The following SV2C variants were observed in gnomAD, a reference collection of about 807,000 sequenced individuals.
The protein encoded by SV2C is solute carrier family 22 member B3.
SV2C carries 49 observed loss-of-function variants against 79.7 expected under a neutral mutation model. The observed-to-expected ratio is 0.61, with a 90% CI of 0.49 to 0.78. The LOEUF (loss-of-function observed/expected upper bound fraction) is 0.78, where lower values mean the gene tolerates loss of function less well. Ranked by LOEUF, SV2C falls within the 30% of genes least tolerant of loss-of-function variation. The pLI, the probability that SV2C is intolerant of heterozygous loss-of-function variation, is 0.00. For synonymous variants in SV2C, 334 were observed against 333.2 expected, an observed-to-expected ratio of 1.00 and a Z score of -0.03; for missense variants, 833 against 912.9, an observed-to-expected ratio of 0.91 and a Z score of 1.13.
the SV2C span, among the ~76,000 whole-genome samples, chr5:76,055,587 C>A: frequency 6.6e-6 from 1 of 152,140 alleles, no homozygotes; most frequent in Non-Finnish European, 1.5e-5. Context: ...TTACTTTGGG[C>A]AGTATGACAA....
At chr5:76,317,023 A>C (rs1297557689) in intron 12 of SV2C, among the ~76,000 whole-genome samples, 2 of 150,758 alleles carry the variant, frequency 1.3e-5, no homozygotes, top group Non-Finnish European at 3.0e-5. Flanking sequence ...TATTTAATGA[A>C]TGATTATATG....
downstream of SV2C, among the ~76,000 whole-genome samples, chr5:76,335,204 C>T (rs1002274537): frequency 4.5e-4 from 68 of 152,254 alleles, 1 homozygote; most frequent in Middle Eastern, 6.8e-3. Flanking sequence ...CACCCCTCTG[C>T]AGGCTGTTCC....
At chr5:76,146,447 T>C (rs1006539740) in intron 2 of SV2C, among the ~76,000 whole-genome samples, 1 of 152,208 alleles carries the variant, frequency 6.6e-6, no homozygotes, top group African/African-American at 2.4e-5. Context: ...GGAAACTTCC[T>C]GACATTGCCA....
chr5:76,060,844 A>G, the SV2C span, among the ~76,000 whole-genome samples: 39 of 152,152 alleles, frequency 2.6e-4, no homozygotes, highest in African/African-American at 8.7e-4. Flanking sequence ...CACGAAGCTT[A>G]TTAATATCTA....
Position 76,173,920 on chromosome 5 carries a change from G to A in SV2C, c.581-20999G>A, listed in dbSNP as rs780600012. On this transcript the variant is annotated intron_variant, in intron 2 of 12. Transcript: ENST00000502798. The stretch of plus-strand genomic sequence containing the variant: ...TCAGGTCTTGTAAATCGTTAAATGT[G>A]GACTGTGCTGTGATGGAATAAACTA... 60 of 1,587,202 alleles carry A rather than the reference G, an allele frequency of 3.8e-5. 1 individual carries two copies. Among genetic ancestry groups the A allele is most frequent in the Admixed American group, 2.3e-4 (14 of 59,964 alleles).
chr5:76,139,872 T>C (rs576037910), intron 2 of SV2C, among the ~76,000 whole-genome samples: 1 of 64,300 alleles, frequency 1.6e-5, no homozygotes. Context: ...TTTTTTTTTT[T>C]TTTTTTTTGA....
chr5:76,205,143 T>TTGTG (rs1176863698), intron 3 of SV2C, among the ~76,000 whole-genome samples: 4 of 148,914 alleles, frequency 2.7e-5, no homozygotes, highest in African/African-American at 9.8e-5. Context: ...TATTGAGGTG[T>TTGTG]TGTGCGTGTG....
chr5:76,000,758 G>A, the SV2C span, among the ~76,000 whole-genome samples: 1 of 152,294 alleles, frequency 6.6e-6, no homozygotes, highest in Admixed American at 6.5e-5. Context: ...TCACACTGCT[G>A]TGTCACTGGA....
intron 12 of SV2C, among the ~76,000 whole-genome samples, chr5:76,345,622 C>T (rs1749523669): frequency 6.6e-6 from 1 of 152,188 alleles, no homozygotes; most frequent in Non-Finnish European, 1.5e-5. Flanking sequence ...AGGCTGTCAG[C>T]GTGATTTCCA....
At chr5:76,256,475 G>T (rs1004938402) in intron 4 of SV2C, among the ~76,000 whole-genome samples, 1 of 152,090 alleles carries the variant, frequency 6.6e-6, no homozygotes, top group East Asian at 1.9e-4. Flanking sequence ...TGTTGGCTAG[G>T]GTTAATCACA....
chr5:75,934,191 C>T, the SV2C span, among the ~76,000 whole-genome samples: 1 of 152,110 alleles, frequency 6.6e-6, no homozygotes, highest in Non-Finnish European at 1.5e-5. Context: ...CAATGAGCAC[C>T]TTAATTCTTC....
intron 12 of SV2C, among the ~76,000 whole-genome samples, chr5:76,304,978 C>T (rs1367970709): frequency 6.6e-6 from 1 of 152,180 alleles, no homozygotes; most frequent in African/African-American, 2.4e-5. Flanking sequence ...GTGGCATCTG[C>T]TTCTGGGGAG....
chr5:76,131,554 GT>G (rs1338765329), intron 1 of SV2C, 95 bp from the exon 2 acceptor site: 1 of 385,154 alleles, frequency 2.6e-6, no homozygotes, highest in Admixed American at 4.2e-5. Flanking sequence ...CTGTGTTGTA[GT>G]TTGTGGGACA....
chr5:75,873,450 G>T, the SV2C span, among the ~76,000 whole-genome samples: 1 of 152,016 alleles, frequency 6.6e-6, no homozygotes, highest in Non-Finnish European at 1.5e-5. Context: ...AGATTTACAG[G>T]TTCTCATATC....
At chr5:76,273,830 C>T (rs1318339147) in intron 4 of SV2C, among the ~76,000 whole-genome samples, 3 of 152,180 alleles carry the variant, frequency 2.0e-5, no homozygotes, top group Admixed American at 6.5e-5. Flanking sequence ...GCAGGCAGAT[C>T]GCTGCCAATT....
chr5:76,284,381 G>T (rs984944592), intron 4 of SV2C, among the ~76,000 whole-genome samples: 1 of 152,066 alleles, frequency 6.6e-6, no homozygotes, highest in Non-Finnish European at 1.5e-5. Flanking sequence ...TGCAGCAACC[G>T]CCAATTCCTA....
At chr5:76,048,999 G>GAA in the SV2C span, among the ~76,000 whole-genome samples, 4 of 86,308 alleles carry the variant, frequency 4.6e-5, no homozygotes, top group African/African-American at 7.9e-5. Flanking sequence ...AAGAAAGAAA[G>GAA]AAAGAAAGAA....
chr5:75,880,799 AC>A, the SV2C span, among the ~76,000 whole-genome samples: 1 of 152,246 alleles, frequency 6.6e-6, no homozygotes, highest in Middle Eastern at 3.4e-3. Context: ...TCAATGCCCC[AC>A]TTCTCAGTAC....
the SV2C span, among the ~76,000 whole-genome samples, chr5:76,030,289 T>TTTTTTTTTTATTTATTTA: frequency 8.5e-6 from 1 of 117,874 alleles, no homozygotes; most frequent in African/African-American, 3.9e-5. Context: ...TTTTTTTTTT[T>TTTTTTTTTTATTTATTTA]TTTATTTATT....
Sources: gnomAD v4.1 joint callset for allele counts (sites outside exome capture counted in the v4.1 genomes callset) on GRCh38, gnomAD v4.1.1 for gene constraint, MANE v1.5 for transcripts, NCBI Gene and HGNC (gene_info 2026-07-23, HGNC 2026-07-21) for gene names.